PEPD: variants seen among roughly 807,000 people sequenced by gnomAD.
PEPD encodes peptidase D, also known as xaa-Pro dipeptidase.
Under a neutral mutation model 60.7 loss-of-function variants are expected in PEPD, and 53 were observed. That is an observed-to-expected ratio of 0.87 (90% CI 0.70 to 1.10). PEPD has a LOEUF of 1.10. Among genes scored for constraint, PEPD ranks in the 50% least tolerant of loss-of-function variants. The probability of loss-of-function intolerance (pLI) is 0.00; values close to 1 mark genes in which losing one functional copy is unlikely to be tolerated. For missense variants in PEPD, 711 were observed against 711.9 expected (o/e 1.00, Z 0.01); for synonymous variants, 267 against 284.1 (o/e 0.94, Z 0.60).
chr19:33,409,621 G>A (rs1968718368), intron 11 of PEPD, among the ~76,000 whole-genome samples: 1 of 152,210 alleles, frequency 6.6e-6, no homozygotes, highest in South Asian at 2.1e-4. Flanking sequence ...GCTGCAGTGA[G>A]CTATGATTGT....
rs529622636 is a variant in PEPD at position 33,497,978 on chromosome 19, C to T, written c.393+2960G>A. ...TCCCCTCCAGCTGTGGGACTGTGGACGAGGCCTTTCTCTCTGAGCCTCAGC... is the reference window on the plus strand; with the variant it reads ...TCCCCTCCAGCTGTGGGACTGTGGATGAGGCCTTTCTCTCTGAGCCTCAGC... On this transcript the variant is annotated intron_variant, in intron 4 of 14. Coordinates refer to ENST00000244137, the MANE Select transcript of PEPD (RefSeq NM_000285.4). 3.9e-4 allele frequency among the ~76,000 whole-genome samples: 60 copies of T among 152,114 alleles called. 3 individuals are homozygous for T. In the South Asian group the frequency reaches 1.0e-2, roughly 25 times the overall value.
At chr19:33,424,352 T>C (rs976589611) in intron 9 of PEPD, among the ~76,000 whole-genome samples, 1 of 152,238 alleles carries the variant, frequency 6.6e-6, no homozygotes, top group Admixed American at 6.5e-5. Flanking sequence ...AGACCTGTGT[T>C]TGGCACCTTG....
chr19:33,470,882 C>G (rs538519360), intron 7 of PEPD, among the ~76,000 whole-genome samples: 10 of 152,144 alleles, frequency 6.6e-5, no homozygotes, highest in Non-Finnish European at 8.8e-5. Flanking sequence ...GCCACTGCCT[C>G]GTCCCAGTCC....
intron 9 of PEPD, among the ~76,000 whole-genome samples, chr19:33,423,044 CATCT>C (rs1367600204): frequency 6.6e-6 from 1 of 151,098 alleles, no homozygotes; most frequent in Non-Finnish European, 1.5e-5. Context: ...ATCCATCCAT[CATCT>C]ATCAAGGTGA....
At chr19:33,490,131 A>G (rs1266343326) in intron 5 of PEPD, 74 bp from the exon 6 acceptor site, 1 of 1,004,100 alleles carries the variant, frequency 1.0e-6, no homozygotes, top group Admixed American at 1.9e-5. Context: ...TGAGGCCTCC[A>G]GCTAGGCTCA....
rs909109049 is a variant in PEPD, at chr19:33,512,849, G to A, written c.18-73C>T. 1.4e-5 allele frequency: 22 copies of A among 1,553,946 alleles called. No individual in the cohort carries two copies. The Admixed American group carries it at 2.7e-4, about 19-fold the overall frequency. ...TCCAAGCATGCCCACACCTGAGGTC[G>A]GGGTGACCGGAGGCCCGAGCCTGCC... On this transcript the variant is annotated intron_variant, in intron 1 of 14. Transcript: ENST00000244137.
intron 13 of PEPD, 89 bp downstream of exon 13, chr19:33,391,206 G>A: frequency 9.5e-7 from 1 of 1,057,672 alleles, no homozygotes; most frequent in Non-Finnish European, 1.4e-6. Flanking sequence ...ATACACGCCT[G>A]CTGCCTCCTA....
At chr19:33,519,583 G>A (rs1371573022) in intron 1 of PEPD, among the ~76,000 whole-genome samples, 3 of 152,210 alleles carry the variant, frequency 2.0e-5, no homozygotes, top group African/African-American at 7.2e-5. Flanking sequence ...AGCCACTGGG[G>A]TCAACCTCAG....
Position 33,401,739 on chromosome 19 carries a change from T to C in PEPD, c.949A>G (p.Met317Val), listed in dbSNP as rs752835320. The change falls in exon 12 of 15, where the codon ATG (methionine) becomes GTG (valine). Residue 317 changes from methionine (M) to valine (V), a missense_variant. Physicochemically the swap from Met to Val is conservative, Grantham distance 21. Transcript: ENST00000244137. Reference protein sequence around the residue: ...EAVLRSSRAVMGAMKPGVWWP... With the variant: ...EAVLRSSRAVVGAMKPGVWWP... ...TGCTCACCTGGCTTCATGGCACCCA[T>C]GACGGCACGGGAGCTCCGCAGCACT... 1.9e-6 allele frequency: 3 copies of C among 1,608,698 alleles called. No individual in the cohort carries two copies. The highest frequency in any genetic ancestry group is 2.5e-6 in the Non-Finnish European group (3 of 1,178,028).
At position 33,478,031 on chromosome 19, in the gene PEPD, A is replaced by G. The variant is rs375333595; in HGVS notation, c.548+15T>C. On this transcript the variant is annotated intron_variant, in intron 7 of 14. Transcript: ENST00000244137. ...AGCACAACAAACAGGCAAGGTGACC[A>G]CAGGCCGTACTCACCACTCAACGAT... The G allele has an allele frequency of 3.9e-5, 63 of 1,596,642 alleles. No individual in the cohort carries two copies. In the African/African-American group the frequency reaches 7.6e-4, roughly 19 times the overall value.
At chr19:33,412,174 C>A (rs544131665) in intron 10 of PEPD, among the ~76,000 whole-genome samples, 1 of 152,094 alleles carries the variant, frequency 6.6e-6, no homozygotes, top group African/African-American at 2.4e-5. Flanking sequence ...CGAAACCCTA[C>A]CTCTACAGAA....
chr19:33,521,324 G>A (rs1205285156), intron 1 of PEPD, among the ~76,000 whole-genome samples: 1 of 152,240 alleles, frequency 6.6e-6, no homozygotes, highest in East Asian at 1.9e-4. Context: ...GCCCCTGAAA[G>A]AAATGGGGAA....
chr19:33,450,598 C>G (rs7253204), intron 9 of PEPD, among the ~76,000 whole-genome samples: 63,833 of 152,014 alleles, frequency 0.42, 14,266 homozygotes, highest in African/African-American at 0.58. Context: ...CTCACACGAG[C>G]AAAGGGAAAA....
intron 9 of PEPD, among the ~76,000 whole-genome samples, chr19:33,427,023 C>A (rs994518087): frequency 1.3e-5 from 2 of 152,258 alleles, no homozygotes; most frequent in Non-Finnish European, 2.9e-5. Context: ...CTGCCGACAA[C>A]CCCTCTTCTA....
At chr19:33,472,580 A>G (rs894708491) in intron 7 of PEPD, among the ~76,000 whole-genome samples, 3 of 152,204 alleles carry the variant, frequency 2.0e-5, no homozygotes, top group Admixed American at 1.3e-4. Flanking sequence ...TACTTGTGCA[A>G]CCTTATTTTT....
intron 1 of PEPD, among the ~76,000 whole-genome samples, chr19:33,515,571 C>T (rs62100698): frequency 0.074 from 11,297 of 152,088 alleles, 589 homozygotes; most frequent in Non-Finnish European, 0.12. Context: ...CCTCCCACGC[C>T]CTTTCCCTTC....
chr19:33,489,583 C>T (rs8107715), intron 6 of PEPD, among the ~76,000 whole-genome samples: 11,365 of 151,660 alleles, frequency 0.075, 523 homozygotes, highest in Non-Finnish European at 0.11. Context: ...GAGCCAAGAT[C>T]GGGCCATTGC....
At chr19:33,400,010 G>A (rs1468785203) in intron 12 of PEPD, among the ~76,000 whole-genome samples, 1 of 152,164 alleles carries the variant, frequency 6.6e-6, no homozygotes. Flanking sequence ...TCTGGGTCTG[G>A]GGCCTGCATC....
At position 33,401,846 on chromosome 19, in the gene PEPD, T is replaced by C. The variant is rs766027294; in HGVS notation, c.842A>G (p.Tyr281Cys). ...GGTGATGTCGGAAGCGAAGCAGTAATACTCACCGCCCATGTCGAACAGGCT... is the reference window on the plus strand; with the variant it reads ...GGTGATGTCGGAAGCGAAGCAGTAACACTCACCGCCCATGTCGAACAGGCT... ...DMCLFDMGGE[Y>C]YCFASDITCS... The change falls in exon 12 of 15, where the codon TAT becomes TGT. Residue 281 changes from tyrosine to cysteine, a missense_variant. Tyr to Cys is a radical substitution (Grantham distance 194). Coordinates refer to ENST00000244137, the MANE Select transcript of PEPD (RefSeq NM_000285.4). 6.2e-7 allele frequency: 1 copy of C among 1,613,192 alleles called. No individual in the cohort carries two copies. Among genetic ancestry groups the C allele is most frequent in the South Asian group, 1.1e-5 (1 of 91,062 alleles).
Sources: allele counts gnomAD v4.1 joint callset (sites outside exome capture counted in the v4.1 genomes callset), GRCh38; gene constraint gnomAD v4.1.1; transcripts MANE v1.5; gene names NCBI Gene and HGNC (gene_info 2026-07-23, HGNC 2026-07-21).